Variants in STRBP observed in about 807,000 individuals in gnomAD.
STRBP encodes spermatid perinuclear RNA binding protein.
A neutral mutation model predicts 80.1 loss-of-function variants in STRBP; 13 were observed. That is an observed-to-expected ratio of 0.16 (90% confidence interval 0.11 to 0.26). The LOEUF (loss-of-function observed/expected upper bound fraction) is 0.26. STRBP is among the 10% of genes least tolerant of loss of function. STRBP has a pLI of 1.00. For synonymous variants in STRBP, 284 were observed against 291.2 expected (o/e 0.98, Z 0.25); for missense variants, 485 against 815.2 (o/e 0.59, Z 4.93).
Position 123,123,449 on chromosome 9 carries a change from T to G in STRBP, c.*2148A>C. On this transcript the variant is annotated 3_prime_UTR_variant, in exon 19 of 19. Coordinates refer to ENST00000348403, the MANE Select transcript of STRBP (RefSeq NM_018387.5). ...CAAAGGACTGACAGCTCGATTATTT[T>G]AAGTAAAGCAGAGAAATGTAAAAGT... 1.0e-6 allele frequency: 1 copy of G among 985,152 alleles called. No individual in the cohort carries two copies. The highest frequency in any genetic ancestry group is 1.2e-6 in the Non-Finnish European group (1 of 829,918). 61.0% of individuals were successfully genotyped at this position (985,152 alleles called of 1,614,324 possible). A position where few individuals can be genotyped will look rare whatever the true frequency, so the allele number is the denominator to read the frequency against.
intron 3 of STRBP, among the ~76,000 whole-genome samples, chr9:123,182,559 A>C (rs1264185428): frequency 6.6e-6 from 1 of 152,194 alleles, no homozygotes; most frequent in African/African-American, 2.4e-5. Flanking sequence ...TGGTTTTTTC[A>C]CATTTCACCA....
At chr9:123,169,172 CTTTTTTT>C in intron 6 of STRBP, among the ~76,000 whole-genome samples, 1 of 136,938 alleles carries the variant, frequency 7.3e-6, no homozygotes, top group South Asian at 2.4e-4. Context: ...GCAAATAATT[CTTTTTTT>C]TTTTTTTTTG....
At chr9:123,178,122 TAA>T (rs1396620198) in intron 4 of STRBP, among the ~76,000 whole-genome samples, 3 of 152,306 alleles carry the variant, frequency 2.0e-5, no homozygotes, top group East Asian at 1.9e-4. Flanking sequence ...GATCTGAAGA[TAA>T]AAAAAGTTAT....
intron 12 of STRBP, 70 bp downstream of exon 12, chr9:123,147,708 T>A: frequency 4.5e-6 from 5 of 1,104,318 alleles, no homozygotes; most frequent in Non-Finnish European, 6.3e-6. Context: ...AACCCTTCAC[T>A]TTTAATTTTT....
In STRBP at chr9:123,255,832, A is replaced by G. The variant is rs16926307; in HGVS notation, c.-302+12604T>C. Reference sequence around the variant, plus strand: ...ACCTGTATATAACCATCACACCTGCAAACGTTATACCAAAACCAAACAAAT... The same window carrying G: ...ACCTGTATATAACCATCACACCTGCGAACGTTATACCAAAACCAAACAAAT... On this transcript the variant is annotated intron_variant, in intron 1 of 18. Coordinates refer to ENST00000348403, the MANE Select transcript of STRBP (RefSeq NM_018387.5). Among the ~76,000 whole-genome samples, 1,321 of 152,126 alleles carry G rather than the reference A, an allele frequency of 8.7e-3. 20 individuals carry two copies. Among genetic ancestry groups the G allele is most frequent in the African/African-American group, 0.03 (1,258 of 41,484 alleles).
chr9:123,254,322 G>A (rs560249856), intron 1 of STRBP, among the ~76,000 whole-genome samples: 2 of 152,094 alleles, frequency 1.3e-5, no homozygotes, highest in East Asian at 1.9e-4. Context: ...TTAGCCGGGC[G>A]TGGTGGCGGG....
At chr9:123,134,504 C>G (rs1335069349) in intron 16 of STRBP, among the ~76,000 whole-genome samples, 2 of 152,170 alleles carry the variant, frequency 1.3e-5, no homozygotes, top group East Asian at 3.9e-4. Flanking sequence ...TAAACCAACC[C>G]ACATATCCAA....
chr9:123,133,838 G>A (rs1439191802), intron 16 of STRBP, among the ~76,000 whole-genome samples: 1 of 151,944 alleles, frequency 6.6e-6, no homozygotes, highest in Non-Finnish European at 1.5e-5. Flanking sequence ...CACCGCACCT[G>A]GCCCCATTAT....
chr9:123,237,889 T>C (rs747263714), intron 1 of STRBP, among the ~76,000 whole-genome samples: 20 of 152,190 alleles, frequency 1.3e-4, no homozygotes, highest in African/African-American at 1.9e-4. Flanking sequence ...AGAAAGGTGT[T>C]ACCTCAGGGG....
At chr9:123,119,772 A>G (rs996134661), downstream of STRBP, among the ~76,000 whole-genome samples, 21 of 152,172 alleles carry the variant, frequency 1.4e-4, no homozygotes, top group African/African-American at 3.9e-4. Context: ...TGTTCAAAAC[A>G]TATTATGTGT....
intron 2 of STRBP, among the ~76,000 whole-genome samples, chr9:123,210,258 CATAAA>C (rs2132531100): frequency 6.6e-6 from 1 of 151,348 alleles, no homozygotes; most frequent in African/African-American, 2.4e-5. Context: ...AAAGTATAAC[CATAAA>C]ATAAATCTGA....
At chr9:123,256,277 C>G (rs1223404990) in intron 1 of STRBP, among the ~76,000 whole-genome samples, 1 of 151,960 alleles carries the variant, frequency 6.6e-6, no homozygotes, top group Non-Finnish European at 1.5e-5. Context: ...CTTGGTGTCC[C>G]AAAATGCTGA....
chr9:123,175,358 AAAGAATCAGCAGAGTTGGGC>A (rs1391575256), intron 4 of STRBP, among the ~76,000 whole-genome samples: 1 of 152,234 alleles, frequency 6.6e-6, no homozygotes, highest in African/African-American at 2.4e-5. Context: ...AGCTATAAGC[AAAGAATCAGCAGAGTTGGGC>A]AAGAATCAGC....
At chr9:123,195,172 T>C (rs1326369762) in intron 2 of STRBP, among the ~76,000 whole-genome samples, 1 of 152,106 alleles carries the variant, frequency 6.6e-6, no homozygotes, top group Admixed American at 6.6e-5. Flanking sequence ...CTCCTCCTGG[T>C]CTTCCCTCCC....
At chr9:123,152,953 G>C (rs2132372325) in intron 11 of STRBP, among the ~76,000 whole-genome samples, 1 of 152,260 alleles carries the variant, frequency 6.6e-6, no homozygotes, top group East Asian at 1.9e-4. Flanking sequence ...CTAGCTGAAG[G>C]GTAAATGGGA....
chr9:123,261,545 C>T (rs944217241), intron 1 of STRBP, among the ~76,000 whole-genome samples: 3 of 152,152 alleles, frequency 2.0e-5, no homozygotes, highest in South Asian at 4.1e-4. Context: ...TACTGACCAA[C>T]TTCAAAAGTC....
intron 1 of STRBP, among the ~76,000 whole-genome samples, chr9:123,265,270 G>A (rs2132663543): frequency 6.6e-6 from 1 of 151,926 alleles, no homozygotes; most frequent in East Asian, 1.9e-4. Flanking sequence ...TTATGTTTAG[G>A]CAAGATTCCC....
chr9:123,268,122 C>T (rs2041316727), intron 1 of STRBP, among the ~76,000 whole-genome samples: 1 of 151,746 alleles, frequency 6.6e-6, no homozygotes, highest in Admixed American at 6.6e-5. Context: ...CCGCGTCCCC[C>T]AACCCTGCCC....
At chr9:123,151,320 A>G (rs183436948) in intron 11 of STRBP, among the ~76,000 whole-genome samples, 22 of 152,306 alleles carry the variant, frequency 1.4e-4, no homozygotes, top group Admixed American at 1.4e-3. Flanking sequence ...AATAACAAAC[A>G]ACATCTGAAA....
Sources: allele counts gnomAD v4.1 joint callset (sites outside exome capture counted in the v4.1 genomes callset), GRCh38; gene constraint gnomAD v4.1.1; transcripts MANE v1.5; gene names NCBI Gene and HGNC (gene_info 2026-07-23, HGNC 2026-07-21).